The following IRF5 variants were observed in gnomAD, a reference collection of about 807,000 sequenced individuals.
The protein encoded by IRF5 is interferon regulatory factor 5.
IRF5 carries 24 observed loss-of-function variants against 55.1 expected under a neutral mutation model. The ratio of observed to expected loss-of-function variants is 0.44; its 90% CI spans 0.32 to 0.61. The LOEUF is 0.61. Among genes scored for constraint, IRF5 ranks in the 20% least tolerant of loss-of-function variants. The pLI, the probability that IRF5 is intolerant of heterozygous loss-of-function variation, is 0.07. For synonymous variants in IRF5, 258 were observed against 260.2 expected, an observed-to-expected ratio of 0.99 and a Z score of 0.08; for missense variants, 499 against 658.5, an observed-to-expected ratio of 0.76 and a Z score of 2.65.
At chr7:128,942,354 G>T (rs1796074234) in intron 2 of IRF5, 78 bp downstream of exon 2, 2 of 1,358,540 alleles carry the variant, frequency 1.5e-6, no homozygotes, top group East Asian at 4.9e-5. Flanking sequence ...ACGCACACAG[G>T]CAGCTCCTCG....
chr7:128,941,332 GC>G (rs1430311486), intron 1 of IRF5: 1 of 152,530 alleles, frequency 6.6e-6, no homozygotes, highest in East Asian at 1.9e-4. Flanking sequence ...CTACCCGAAT[GC>G]GTGTCCAGTG....
chr7:128,945,939 G>C lies in IRF5; in HGVS notation c.290G>C (p.Ser97Thr), dbSNP rs1299095250. 1 of 1,613,496 alleles carries C rather than the reference G, an allele frequency of 6.2e-7. No homozygotes were observed. Among genetic ancestry groups the C allele is most frequent in the Non-Finnish European group, 8.5e-7 (1 of 1,179,886 alleles). Residue 97 changes from serine (S) to threonine (T), a missense_variant, in exon 3 of 9, where the codon AGC becomes ACC. Coordinates refer to ENST00000357234, the MANE Select transcript of IRF5 (RefSeq NM_001098629.3). ...AACCTGCGCTGTGCCCTTAACAAGA[G>C]CCGGGACTTCCGCCTCATCTACGAC... ...KANLRCALNK[S>T]RDFRLIYDGP...
chr7:128,945,678 A>G (rs1429331425), intron 2 of IRF5, among the ~76,000 whole-genome samples, 167 bp from the exon 3 acceptor site: 1 of 152,202 alleles, frequency 6.6e-6, no homozygotes, highest in East Asian at 1.9e-4. Flanking sequence ...GGGCTGGGGC[A>G]GGACTGTGGC....
At position 128,947,406 on chromosome 7, in the gene IRF5, C is replaced by G. The variant is rs200860703; in HGVS notation, c.658C>G (p.Pro220Ala). The G allele has an allele frequency of 7.3e-5, 117 of 1,610,806 alleles. No homozygotes were observed. Among genetic ancestry groups the G allele is most frequent in the Non-Finnish European group, 9.2e-5 (108 of 1,179,092 alleles). ...APDPSPLAPP[P>A]GNPAGFRELL... Reference sequence around the variant, plus strand: ...AGACCCCAGCCCCCTGGCTCCTCCCCCTGGCAACCCTGCTGGCTTCAGGGA... The same window carrying G: ...AGACCCCAGCCCCCTGGCTCCTCCCGCTGGCAACCCTGCTGGCTTCAGGGA... Residue 220 changes from proline (P) to alanine (A), a missense_variant, in exon 6 of 9, where the codon CCT becomes GCT. Physicochemically the swap from Pro to Ala is conservative, Grantham distance 27. This residue lies in a region of IRF5 where 305 missense variants were observed against 340.2 expected (regional missense o/e 0.90). Coordinates refer to ENST00000357234, the MANE Select transcript of IRF5 (RefSeq NM_001098629.3). This position sits in a 1 kb window ranked among gnomAD's most constrained non-coding sequence, Gnocchi z 6.5.
chr7:128,947,920 C>T lies in IRF5; in HGVS notation c.979C>T (p.Arg327Cys). 1 of 1,614,096 alleles carries T rather than the reference C, an allele frequency of 6.2e-7. No individual in the cohort carries two copies. Among genetic ancestry groups the T allele is most frequent in the South Asian group, 1.1e-5 (1 of 91,074 alleles). The change falls in exon 7 of 9, where the codon CGC becomes TGC. Residue 327 changes from arginine (R) to cysteine (C), a missense_variant. Physicochemically the swap from Arg to Cys is radical, Grantham distance 180 (BLOSUM62 -3). Around this residue, in one of 2 missense-constraint regions of IRF5, gnomAD observed 194 missense variants for 318.3 expected, o/e 0.61. Coordinates refer to ENST00000357234, the MANE Select transcript of IRF5 (RefSeq NM_001098629.3). This position sits in a 1 kb window ranked among gnomAD's most constrained non-coding sequence, Gnocchi z 6.5. ...SPEDIPSDKQ[R>C]FYTNQLLDVL... is the part of the protein sequence containing the mutation. Reference sequence around the variant, plus strand: ...TGAGGACATCCCCAGTGACAAGCAGCGCTTCTACACGAACCAGCTGCTGGA... The same window carrying T: ...TGAGGACATCCCCAGTGACAAGCAGTGCTTCTACACGAACCAGCTGCTGGA...
chr7:128,947,172 G>A lies in IRF5; in HGVS notation c.482-58G>A. ...GTGGCCCAGGGCTGGGAGGAGGTGTGCCTGGGAGGCAGTTCGTGGAGGTGG... is the reference window on the plus strand; with the variant it reads ...GTGGCCCAGGGCTGGGAGGAGGTGTACCTGGGAGGCAGTTCGTGGAGGTGG... On this transcript the variant is annotated intron_variant, in intron 5 of 8. Coordinates refer to ENST00000357234, the MANE Select transcript of IRF5 (RefSeq NM_001098629.3). This position sits in a 1 kb window ranked among gnomAD's most constrained non-coding sequence, Gnocchi z 6.5. The A allele has an allele frequency of 1.2e-6, 2 of 1,603,238 alleles. No individual in the cohort carries two copies. The highest frequency in any genetic ancestry group is 3.4e-5 in the Admixed American group (2 of 59,348).
In IRF5 at chr7:128,947,238, C is replaced by T. The variant is rs757464097; in HGVS notation, c.490C>T (p.Gln164Ter). The change falls in exon 6 of 9, where the codon CAG becomes TAG. Residue 164 changes from glutamine (Q) to a stop codon, truncating the protein, a stop_gained. Coordinates refer to ENST00000357234, the MANE Select transcript of IRF5 (RefSeq NM_001098629.3). LOFTEE classifies it high-confidence loss of function. The surrounding 1 kb of genome is among the most constrained non-coding windows in gnomAD (Gnocchi z 6.5). The part of the protein sequence containing the change: ...LPSLSLTDAV[Q>*]SGPHMTPYSL... ...ACACGCACTCTCTGTAGATGCAGTG[C>T]AGTCTGGCCCCCACATGACACCCTA... 84 of 1,603,968 alleles carry T rather than the reference C, an allele frequency of 5.2e-5. No individual in the cohort carries two copies. The highest frequency in any genetic ancestry group is 7.0e-5 in the Non-Finnish European group (82 of 1,174,836).
chr7:128,947,766 G>A lies in IRF5; in HGVS notation c.825G>A (p.Arg275=), dbSNP rs1796402548. 3 of 1,612,012 alleles carry A rather than the reference G, an allele frequency of 1.9e-6. No homozygotes were observed. Among genetic ancestry groups the A allele is most frequent in the Middle Eastern group, 1.7e-4 (1 of 6,044 alleles). Residue 275 remains arginine (R), a synonymous_variant, in exon 7 of 9, where the codon CGG becomes CGA. Transcript: ENST00000357234. The surrounding 1 kb of genome is among the most constrained non-coding windows in gnomAD (Gnocchi z 6.5). The stretch of plus-strand genomic sequence containing the variant: ...AGATCAAGTTTCAGTACCGGGGGCG[G>A]CCACCCCGGGCCCTCACCATCAGCA... ...DLEIKFQYRG[R]PPRALTISNP...
Position 128,946,536 on chromosome 7 carries a change from G to A in IRF5, c.421G>A (p.Gly141Arg), listed in dbSNP as rs772266449. The change falls in exon 4 of 9, where the codon GGA (glycine) becomes AGA (arginine). Residue 141 changes from glycine to arginine, a missense_variant. This residue lies in a region of IRF5 where 305 missense variants were observed against 340.2 expected (regional missense o/e 0.90). Coordinates refer to ENST00000357234, the MANE Select transcript of IRF5 (RefSeq NM_001098629.3). This position sits in a 1 kb window ranked among gnomAD's most constrained non-coding sequence, Gnocchi z 4.2. ...QPPEDYSFGAGEEEEEEEELQ... is the reference protein window; with the variant it reads ...QPPEDYSFGAREEEEEEEELQ... ...CCCTGAGGATTACTCTTTTGGTGCA[G>A]GAGAGGAGGAGGAAGAAGAGGAAGA... is the stretch of plus-strand genomic sequence containing the variant. 25 of 1,607,538 alleles carry A rather than the reference G, an allele frequency of 1.6e-5. No homozygotes were observed. The South Asian group carries it at 2.5e-4, about 16-fold the overall frequency.
chr7:128,947,297 C>G lies in IRF5; in HGVS notation c.549C>G (p.Pro183=), dbSNP rs1250738360. Residue 183 remains proline (P), a synonymous_variant, in exon 6 of 9, where the codon CCC becomes CCG. Coordinates refer to ENST00000357234, the MANE Select transcript of IRF5 (RefSeq NM_001098629.3). This position sits in a 1 kb window ranked among gnomAD's most constrained non-coding sequence, Gnocchi z 6.5. ...TCAAAGAGGATGTCAAGTGGCCGCC[C>G]ACTCTGCAGCCGCCCACTCTGCGGC... ...SLLKEDVKWP[P]TLQPPTLRPP... is the part of the protein sequence containing the mutation. 1 of 1,608,336 alleles carries G rather than the reference C, an allele frequency of 6.2e-7. No homozygotes were observed. The highest frequency in any genetic ancestry group is 2.2e-5 in the East Asian group (1 of 44,722).
In IRF5 at chr7:128,949,777, A is replaced by G. The variant is rs1796524037; in HGVS notation, c.*959A>G. On this transcript the variant is annotated 3_prime_UTR_variant, in exon 9 of 9. Coordinates refer to ENST00000357234, the MANE Select transcript of IRF5 (RefSeq NM_001098629.3). ...AGGGCAGTGCATGTAAATCATCCTG[A>G]TATATTTAATATATTTATTATATTG... 1 of 152,146 alleles carries G rather than the reference A, an allele frequency of 6.6e-6. No homozygotes were observed. Among genetic ancestry groups the G allele is most frequent in the Non-Finnish European group, 1.5e-5 (1 of 68,030 alleles). 9.4% of individuals were successfully genotyped at this position (152,146 alleles called of 1,614,324 possible).
At position 128,946,070 on chromosome 7, in the gene IRF5, G is replaced by A; in HGVS notation, c.385+36G>A. The A allele has an allele frequency of 2.0e-6, 3 of 1,534,934 alleles. No homozygotes were observed. The highest frequency in any genetic ancestry group is 2.6e-6 in the Non-Finnish European group (3 of 1,141,958). ...TAGCCCTCTGTGGGCCACCTGGGAG[G>A]CTGTGCAATGTCCTGGCCCCCAGCC... On this transcript the variant is annotated intron_variant, in intron 3 of 8. Transcript: ENST00000357234. The surrounding 1 kb of genome is among the most constrained non-coding windows in gnomAD (Gnocchi z 4.2).
Position 128,946,513 on chromosome 7 carries a change from C to A in IRF5, c.398C>A (p.Pro133His). Residue 133 changes from proline (P) to histidine (H), a missense_variant, in exon 4 of 9, where the codon CCT becomes CAT. Pro to His is a moderately conservative substitution (Grantham distance 77, BLOSUM62 -2). Transcript: ENST00000357234. The surrounding 1 kb of genome is among the most constrained non-coding windows in gnomAD (Gnocchi z 4.2). ...NGPAPTDSQP[P>H]EDYSFGAGEE... is the part of the protein sequence containing the mutation. ...CCCTGCTGTGCAGACTCCCAGCCCC[C>A]TGAGGATTACTCTTTTGGTGCAGGA... is the stretch of plus-strand genomic sequence containing the variant. The A allele has an allele frequency of 6.2e-7, 1 of 1,608,222 alleles. No homozygotes were observed. Among genetic ancestry groups the A allele is most frequent in the African/African-American group, 1.3e-5 (1 of 75,002 alleles).
chr7:128,943,291 A>G (rs1416235569), intron 2 of IRF5, among the ~76,000 whole-genome samples: 6 of 151,428 alleles, frequency 4.0e-5, no homozygotes, highest in African/African-American at 1.5e-4. Context: ...TCAGCCTCCC[A>G]GAGTGCTGGG....
chr7:128,942,267 C>A lies in IRF5; in HGVS notation c.186C>A (p.Thr62=). 1 of 1,611,744 alleles carries A rather than the reference C, an allele frequency of 6.2e-7. No homozygotes were observed. Among genetic ancestry groups the A allele is most frequent in the Non-Finnish European group, 8.5e-7 (1 of 1,178,690 alleles). ...GTCCCAGCCAGGACGGAGATAACAC[C>A]ATCTTCAAGGTAAGCCCCGGGGAGG... ...RHGPSQDGDN[T]IFKAWAKETG... is the part of the protein sequence containing the mutation. The change falls in exon 2 of 9, where the codon ACC becomes ACA. Residue 62 remains threonine (T), a synonymous_variant. Transcript: ENST00000357234.
Position 128,947,143 on chromosome 7 carries a change from T to C in IRF5, c.481+87T>C. The C allele has an allele frequency of 1.2e-6, 2 of 1,611,310 alleles. No homozygotes were observed. On this transcript the variant is annotated intron_variant, in intron 5 of 8. Coordinates refer to ENST00000357234, the MANE Select transcript of IRF5 (RefSeq NM_001098629.3). This position sits in a 1 kb window ranked among gnomAD's most constrained non-coding sequence, Gnocchi z 6.5. Reference sequence around the variant, plus strand: ...ACCTGGAAGGGGGCTGATGGGAGGCTAGGGTGGCCCAGGGCTGGGAGGAGG... The same window carrying C: ...ACCTGGAAGGGGGCTGATGGGAGGCCAGGGTGGCCCAGGGCTGGGAGGAGG...
At chr7:128,944,680 C>G (rs1563074339) in intron 2 of IRF5, among the ~76,000 whole-genome samples, 1 of 152,220 alleles carries the variant, frequency 6.6e-6, no homozygotes, top group Non-Finnish European at 1.5e-5. Flanking sequence ...ATGGAACTAT[C>G]CTTTCCTCTA....
In IRF5 at chr7:128,947,568, T is replaced by G; in HGVS notation, c.787+33T>G. 6.5e-7 allele frequency: 1 copy of G among 1,529,764 alleles called. No homozygotes were observed. The highest frequency in any genetic ancestry group is 1.3e-5 in the South Asian group (1 of 78,696). The allele number at this position is 1,529,764 out of a possible 1,614,324, so 94.8% of individuals were successfully genotyped here. ...CCCATGGCTGGGCACGGGGAAGCAG[T>G]GCTGGGGGATTGGGGTAGGATTGGC... On this transcript the variant is annotated intron_variant, in intron 6 of 8. Coordinates refer to ENST00000357234, the MANE Select transcript of IRF5 (RefSeq NM_001098629.3). The surrounding 1 kb of genome is among the most constrained non-coding windows in gnomAD (Gnocchi z 6.5).
rs1443216149 is a variant in IRF5, at chr7:128,947,179, A to AG, written c.482-49dup. 1 of 1,601,396 alleles carries AG rather than the reference A, an allele frequency of 6.2e-7. No individual in the cohort carries two copies. Among genetic ancestry groups the AG allele is most frequent in the Non-Finnish European group, 8.5e-7 (1 of 1,172,676 alleles). Reference sequence around the variant, plus strand: ...AGGGCTGGGAGGAGGTGTGCCTGGGAGGCAGTTCGTGGAGGTGGCACTGAC... The same window carrying AG: ...AGGGCTGGGAGGAGGTGTGCCTGGGAGGGCAGTTCGTGGAGGTGGCACTGAC... On this transcript the variant is annotated intron_variant, in intron 5 of 8. Transcript: ENST00000357234. The surrounding 1 kb of genome is among the most constrained non-coding windows in gnomAD (Gnocchi z 6.5).
Sources: allele counts gnomAD v4.1 joint callset (sites outside exome capture counted in the v4.1 genomes callset), GRCh38; gene constraint gnomAD v4.1.1; regional missense constraint gnomAD v4.1.1; non-coding constraint Gnocchi (gnomAD v3.1); transcripts MANE v1.5; gene names NCBI Gene and HGNC (gene_info 2026-07-23, HGNC 2026-07-21).